KCNN3: variants seen among roughly 807,000 people sequenced by gnomAD.
KCNN3 encodes small conductance calcium-activated potassium channel protein 3.
In KCNN3, 16 loss-of-function variants were observed where a neutral mutation model predicts 62.9. That is an observed-to-expected ratio of 0.25 (90% CI 0.17 to 0.39). KCNN3 has a LOEUF of 0.39. Among genes scored for constraint, KCNN3 ranks in the 10% least tolerant of loss-of-function variants. The probability of loss-of-function intolerance (pLI) is 1.00; values close to 1 mark genes in which losing one functional copy is unlikely to be tolerated. For missense variants in KCNN3, 599 were observed against 949.4 expected (o/e 0.63, Z 4.85); for synonymous variants, 370 against 389.2 (o/e 0.95, Z 0.58).
chr1:154,791,997 T>C (rs990443093), intron 2 of KCNN3, among the ~76,000 whole-genome samples: 4 of 152,182 alleles, frequency 2.6e-5, no homozygotes, highest in Admixed American at 2.6e-4. Context: ...AACCATGTAA[T>C]TGCAAGAAAA....
chr1:154,727,563 C>T (rs1700497563), intron 4 of KCNN3, among the ~76,000 whole-genome samples: 1 of 152,214 alleles, frequency 6.6e-6, no homozygotes, highest in African/African-American at 2.4e-5. Context: ...TTAAAACAAT[C>T]TAGTGTTTCT....
chr1:154,720,191 C>A (rs909363795), intron 5 of KCNN3, among the ~76,000 whole-genome samples: 4 of 152,300 alleles, frequency 2.6e-5, no homozygotes, highest in African/African-American at 9.6e-5. Flanking sequence ...CGGGGGCCCA[C>A]CCTCGCCCCT....
intron 2 of KCNN3, among the ~76,000 whole-genome samples, chr1:154,775,335 A>T (rs1648743475): frequency 6.6e-6 from 1 of 152,122 alleles, no homozygotes; most frequent in African/African-American, 2.4e-5. Context: ...GGAACATTCC[A>T]GGCAATTCAT....
chr1:154,702,460 C>T lies in KCNN3; in HGVS notation c.*5516G>A, dbSNP rs1699872169. 6.6e-6 allele frequency: 1 copy of T among 151,304 alleles called. No homozygotes were observed. Among genetic ancestry groups the T allele is most frequent in the Non-Finnish European group, 1.5e-5 (1 of 67,870 alleles). The allele number at this position is 151,304 out of a possible 1,614,324, so 9.4% of individuals were successfully genotyped here. On this transcript the variant is annotated 3_prime_UTR_variant, in exon 8 of 8. Transcript: ENST00000271915. ...ATAAACACTTCAGTTTCTGAGCTTG[C>T]CATGAAAATGTTTCCTCCATTAACA... is the stretch of plus-strand genomic sequence containing the variant.
rs1699807575 is a variant in KCNN3, at chr1:154,699,465, C to G, written c.*8511G>C. The stretch of plus-strand genomic sequence containing the variant: ...TGCCTACATACACGTCACACACACA[C>G]ATACATATTTATACTGACCTCTTTA... On this transcript the variant is annotated 3_prime_UTR_variant, in exon 8 of 8. Transcript: ENST00000271915. The G allele has an allele frequency of 6.6e-6, 1 of 152,130 alleles. No homozygotes were observed. The highest frequency in any genetic ancestry group is 2.4e-5 in the African/African-American group (1 of 41,432). 9.4% of individuals were successfully genotyped at this position (152,130 alleles called of 1,614,324 possible).
chr1:154,807,447 T>C (rs1299245499), intron 2 of KCNN3, among the ~76,000 whole-genome samples: 1 of 152,106 alleles, frequency 6.6e-6, no homozygotes, highest in African/African-American at 2.4e-5. Context: ...AAGTCGGCTT[T>C]GGGTGATGTC....
chr1:154,833,831 G>A (rs955813748), intron 1 of KCNN3, among the ~76,000 whole-genome samples: 8 of 152,156 alleles, frequency 5.3e-5, no homozygotes, highest in Non-Finnish European at 7.3e-5. Flanking sequence ...CTCATTCAAG[G>A]ACAAATCAGG....
chr1:154,800,050 G>T lies in KCNN3; in HGVS notation c.1029+22039C>A, dbSNP rs547459286. ...GGGTGTGACGTATGCATGGGAAACA[G>T]CCTCGTTGAACTGTAGATTCCTGAA... On this transcript the variant is annotated intron_variant, in intron 2 of 7. Coordinates refer to ENST00000271915, the MANE Select transcript of KCNN3 (RefSeq NM_002249.6). 1.9e-3 allele frequency among the ~76,000 whole-genome samples: 296 copies of T among 152,346 alleles called. 2 individuals carry two copies. The highest frequency in any genetic ancestry group is 1.2e-3 in the Non-Finnish European group (83 of 68,042).
At chr1:154,858,265 A>T (rs1298684565) in intron 1 of KCNN3, among the ~76,000 whole-genome samples, 1 of 152,188 alleles carries the variant, frequency 6.6e-6, no homozygotes, top group Non-Finnish European at 1.5e-5. Context: ...CATGATCCCA[A>T]GGCCACTGAG....
At chr1:154,755,490 AG>A (rs1647599921) in intron 3 of KCNN3, among the ~76,000 whole-genome samples, 2 of 78,000 alleles carry the variant, frequency 2.6e-5, no homozygotes, top group Non-Finnish European at 6.0e-5. Flanking sequence ...GAAGGAAGAA[AG>A]GGAGAAAGAA....
At chr1:154,760,920 C>T (rs1647980711) in intron 3 of KCNN3, among the ~76,000 whole-genome samples, 1 of 152,142 alleles carries the variant, frequency 6.6e-6, no homozygotes, top group African/African-American at 2.4e-5. Flanking sequence ...CACTGGCCGA[C>T]GGGTCGGAAG....
chr1:154,798,538 A>G (rs887672397), intron 2 of KCNN3, among the ~76,000 whole-genome samples: 2 of 152,246 alleles, frequency 1.3e-5, no homozygotes, highest in African/African-American at 4.8e-5. Context: ...AATTTATGGC[A>G]AGAATACACT....
rs557367939 is a variant in KCNN3, at chr1:154,760,825, C to G, written c.1448+11150G>C. ...TCGGGCGCTCCCATAAGCGGCCGGC[C>G]GCAGAGGGGCTCCAAGGGAGGCGCG... On this transcript the variant is annotated intron_variant, in intron 3 of 7. Transcript: ENST00000271915. Among the ~76,000 whole-genome samples, 16 of 145,456 alleles carry G rather than the reference C, an allele frequency of 1.1e-4. No individual in the cohort carries two copies. In the South Asian group the frequency reaches 1.3e-3, roughly 12 times the overall value.
intron 3 of KCNN3, among the ~76,000 whole-genome samples, chr1:154,738,999 C>G (rs1180321099): frequency 6.6e-6 from 1 of 152,172 alleles, no homozygotes; most frequent in East Asian, 1.9e-4. Context: ...GGAAAGGGAG[C>G]TAAATTTTCA....
chr1:154,725,450 C>T (rs1700440921), intron 5 of KCNN3, among the ~76,000 whole-genome samples: 1 of 152,084 alleles, frequency 6.6e-6, no homozygotes, highest in Non-Finnish European at 1.5e-5. Context: ...TATGAAGGTG[C>T]TGTTTCCATT....
At chr1:154,771,015 C>G (rs991971573) in intron 3 of KCNN3, among the ~76,000 whole-genome samples, 1 of 151,368 alleles carries the variant, frequency 6.6e-6, no homozygotes, top group African/African-American at 2.4e-5. Flanking sequence ...AGAGACTATG[C>G]CACTGCACTC....
At chr1:154,820,945 C>T (rs181239264) in intron 2 of KCNN3, among the ~76,000 whole-genome samples, 2 of 152,346 alleles carry the variant, frequency 1.3e-5, no homozygotes, top group African/African-American at 4.8e-5. Context: ...CTCCCACCTG[C>T]GTCCGCACTG....
At chr1:154,790,870 G>C (rs1649484768) in intron 2 of KCNN3, among the ~76,000 whole-genome samples, 1 of 152,190 alleles carries the variant, frequency 6.6e-6, no homozygotes, top group African/African-American at 2.4e-5. Flanking sequence ...GGAGACAAGA[G>C]TTCTGGAGAT....
At chr1:154,775,908 T>C (rs1648769213) in intron 2 of KCNN3, among the ~76,000 whole-genome samples, 1 of 152,220 alleles carries the variant, frequency 6.6e-6, no homozygotes, top group Non-Finnish European at 1.5e-5. Flanking sequence ...TACTCCGTAA[T>C]AAAGAATCGC....
Sources: allele counts gnomAD v4.1 joint callset (sites outside exome capture counted in the v4.1 genomes callset), GRCh38; gene constraint gnomAD v4.1.1; transcripts MANE v1.5; gene names NCBI Gene and HGNC (gene_info 2026-07-23, HGNC 2026-07-21).